Variants in MAGI1 observed in about 807,000 individuals in gnomAD.
MAGI1 encodes membrane associated guanylate kinase, WW and PDZ domain containing 1.
Under a neutral mutation model 139.9 loss-of-function variants are expected in MAGI1, and 58 were observed. That is an observed-to-expected ratio of 0.41 (90% CI 0.34 to 0.52). MAGI1 has a LOEUF of 0.52. Among genes scored for constraint, MAGI1 ranks in the 20% least tolerant of loss-of-function variants. MAGI1 has a pLI of 0.12. For missense variants in MAGI1, 1,874 were observed against 1,901.6 expected (o/e 0.99, Z 0.27); for synonymous variants, 812 against 737.9 (o/e 1.10, Z -1.63).
At chr3:65,610,745 T>C (rs1323633951) in intron 2 of MAGI1, among the ~76,000 whole-genome samples, 3 of 141,516 alleles carry the variant, frequency 2.1e-5, no homozygotes, top group Non-Finnish European at 4.6e-5. Flanking sequence ...GTATATAGTA[T>C]ATATACAGTA....
chr3:65,761,873 G>A (rs1276655271), intron 1 of MAGI1, among the ~76,000 whole-genome samples: 1 of 152,108 alleles, frequency 6.6e-6, no homozygotes, highest in South Asian at 2.1e-4. Flanking sequence ...TCAGGTGTGG[G>A]GATGGTACTG....
intron 1 of MAGI1, among the ~76,000 whole-genome samples, chr3:65,680,795 T>TATGATATGATATGATATGATATG (rs58365928): frequency 0.015 from 2,316 of 151,268 alleles, 67 homozygotes; most frequent in African/African-American, 0.052. Context: ...TATGATATGA[T>TATGATATGATATGATATGATATG]ATACTTTAAT....
intron 12 of MAGI1, among the ~76,000 whole-genome samples, chr3:65,410,719 A>G (rs1251962764): frequency 6.6e-6 from 1 of 152,122 alleles, no homozygotes; most frequent in Non-Finnish European, 1.5e-5. Context: ...CAATTTCTTA[A>G]CACATCCCTG....
chr3:65,678,359 G>C (rs1479190421), intron 1 of MAGI1, among the ~76,000 whole-genome samples: 8 of 21,062 alleles, frequency 3.8e-4, no homozygotes, highest in Non-Finnish European at 6.3e-4. Context: ...AAATAAAAAG[G>C]TAAAAAAAAA....
intron 2 of MAGI1, among the ~76,000 whole-genome samples, chr3:65,586,887 T>A (rs1251320655): frequency 6.6e-6 from 1 of 152,086 alleles, no homozygotes; most frequent in South Asian, 2.1e-4. Context: ...TATGGGCGAA[T>A]GAAGGTTTCT....
At chr3:65,464,279 T>C (rs915848909) in intron 5 of MAGI1, among the ~76,000 whole-genome samples, 6 of 152,184 alleles carry the variant, frequency 3.9e-5, no homozygotes, top group African/African-American at 1.2e-4. Flanking sequence ...TTCCATCTTT[T>C]TGAGCTTAAG....
At chr3:65,635,708 C>T (rs147750286) in intron 1 of MAGI1, among the ~76,000 whole-genome samples, 3 of 152,346 alleles carry the variant, frequency 2.0e-5, no homozygotes, top group Non-Finnish European at 4.4e-5. Flanking sequence ...TATTCCACAG[C>T]CTTGAACATC....
rs546742085 is a variant in MAGI1, at chr3:65,478,472, G to A, written c.757+120C>T. ...TGCAAGCACTGTGTGGTCCAAGTTT[G>A]AATTTTGGCGACTCTACAAAATCCC... is the stretch of plus-strand genomic sequence containing the variant. On this transcript the variant is annotated intron_variant, in intron 4 of 22. Transcript: ENST00000402939. 1,256 of 910,224 alleles carry A rather than the reference G, an allele frequency of 1.4e-3. 14 individuals carry two copies. Among genetic ancestry groups the A allele is most frequent in the Middle Eastern group, 9.2e-3 (27 of 2,948 alleles). The allele number at this position is 910,224 out of a possible 1,614,324, so 56.4% of individuals were successfully genotyped here. A position where few individuals can be genotyped will look rare whatever the true frequency, so the allele number is the denominator to read the frequency against.
intron 2 of MAGI1, among the ~76,000 whole-genome samples, chr3:65,598,281 C>T (rs1448148341): frequency 6.6e-6 from 1 of 152,184 alleles, no homozygotes; most frequent in East Asian, 1.9e-4. Flanking sequence ...GTCCCCATCA[C>T]CCGCATGGCC....
intron 12 of MAGI1, among the ~76,000 whole-genome samples, chr3:65,421,872 C>T (rs545023987): frequency 1.3e-5 from 2 of 152,230 alleles, no homozygotes; most frequent in East Asian, 3.9e-4. Flanking sequence ...CCAGTTAACA[C>T]ATATAAAGAA....
chr3:65,726,638 A>C (rs2033638475), intron 1 of MAGI1, among the ~76,000 whole-genome samples: 1 of 152,170 alleles, frequency 6.6e-6, no homozygotes, highest in South Asian at 2.1e-4. Context: ...ATACTGATCC[A>C]AAAGAAAGCT....
intron 1 of MAGI1, among the ~76,000 whole-genome samples, chr3:65,934,717 T>C (rs915642475): frequency 3.3e-5 from 5 of 151,744 alleles, no homozygotes; most frequent in African/African-American, 4.8e-5. Flanking sequence ...GTCCCTCTTA[T>C]ATTGGGCCAT....
intron 1 of MAGI1, among the ~76,000 whole-genome samples, chr3:65,772,491 C>G (rs751647633): frequency 6.6e-6 from 1 of 152,140 alleles, no homozygotes; most frequent in African/African-American, 2.4e-5. Context: ...CCTAACTGAG[C>G]CAACTGAGTT....
chr3:65,984,058 C>T lies in MAGI1; in HGVS notation c.313+53938G>A, dbSNP rs1317044542. On this transcript the variant is annotated intron_variant, in intron 1 of 22. Transcript: ENST00000402939. The stretch of plus-strand genomic sequence containing the variant: ...CTGTAATTCCCAACACTTTGGGAGG[C>T]TAAGGCGGGTGGATCACCTGAGGTC... 3.3e-5 allele frequency among the ~76,000 whole-genome samples: 5 copies of T among 152,148 alleles called. No homozygotes were observed. The East Asian group carries it at 9.6e-4, about 29-fold the overall frequency.
chr3:65,553,666 A>G (rs6799635), intron 2 of MAGI1, among the ~76,000 whole-genome samples: 62,258 of 152,004 alleles, frequency 0.41, 13,833 homozygotes, highest in East Asian at 0.64. Context: ...TAAGAGTCCA[A>G]AAGTTTTTCC....
intron 1 of MAGI1, among the ~76,000 whole-genome samples, chr3:65,721,230 C>T (rs771766198): frequency 6.6e-6 from 1 of 152,194 alleles, no homozygotes; most frequent in Non-Finnish European, 1.5e-5. Flanking sequence ...AACACACACA[C>T]ATACATATTT....
intron 1 of MAGI1, among the ~76,000 whole-genome samples, chr3:65,793,997 G>A (rs532193616): frequency 1.3e-5 from 2 of 152,226 alleles, no homozygotes; most frequent in African/African-American, 4.8e-5. Flanking sequence ...CAAACCCACT[G>A]CCTTCCTTTT....
At chr3:65,482,573 T>C (rs1951358387) in intron 3 of MAGI1, among the ~76,000 whole-genome samples, 2 of 152,178 alleles carry the variant, frequency 1.3e-5, no homozygotes, top group Non-Finnish European at 2.9e-5. Context: ...GAAAATTAAC[T>C]AATGCAGAGT....
intron 1 of MAGI1, among the ~76,000 whole-genome samples, chr3:66,035,351 T>A (rs1177926432): frequency 6.6e-6 from 1 of 152,230 alleles, no homozygotes; most frequent in Non-Finnish European, 1.5e-5. Context: ...AGTGGCTAAC[T>A]TGGGATGCAA....
Sources: allele counts gnomAD v4.1 joint callset (sites outside exome capture counted in the v4.1 genomes callset), GRCh38; gene constraint gnomAD v4.1.1; transcripts MANE v1.5; gene names NCBI Gene and HGNC (gene_info 2026-07-23, HGNC 2026-07-21).